MARCHF11: variants seen among roughly 807,000 people sequenced by gnomAD.
The protein encoded by MARCHF11 is membrane associated ring-CH-type finger 11.
MARCHF11 carries 29 observed loss-of-function variants against 37.3 expected under a neutral mutation model. That is an observed-to-expected ratio of 0.78 (90% CI 0.58 to 1.06). MARCHF11 has a LOEUF of 1.06. MARCHF11 is among the 50% of genes least tolerant of loss of function. The pLI is 0.00. For synonymous variants in MARCHF11, 233 were observed against 228.0 expected (o/e 1.02, Z -0.20); for missense variants, 482 against 533.4 (o/e 0.90, Z 0.95).
At chr5:16,110,775 G>A (rs144095452) in intron 2 of MARCHF11, among the ~76,000 whole-genome samples, 44 of 152,146 alleles carry the variant, frequency 2.9e-4, no homozygotes, top group Admixed American at 2.0e-3. Context: ...GTATCATATC[G>A]AAAACTACCA....
chr5:16,124,077 T>C (rs1283113660), intron 2 of MARCHF11, among the ~76,000 whole-genome samples: 1 of 152,154 alleles, frequency 6.6e-6, no homozygotes, highest in East Asian at 1.9e-4. Context: ...ATGTTTGAAC[T>C]CAGGAGACAA....
intron 2 of MARCHF11, among the ~76,000 whole-genome samples, chr5:16,177,417 A>C (rs1022286267): frequency 1.4e-4 from 22 of 152,220 alleles, no homozygotes; most frequent in African/African-American, 5.1e-4. Flanking sequence ...TAATGAATAA[A>C]ATTGATTTAA....
At chr5:16,082,009 A>C (rs1376396899) in intron 3 of MARCHF11, among the ~76,000 whole-genome samples, 2 of 152,338 alleles carry the variant, frequency 1.3e-5, no homozygotes, top group East Asian at 3.9e-4. Flanking sequence ...AGTGAACATC[A>C]GTATGATTAA....
chr5:16,082,811 A>T (rs140537642), intron 3 of MARCHF11, among the ~76,000 whole-genome samples: 165 of 152,310 alleles, frequency 1.1e-3, no homozygotes, highest in African/African-American at 3.7e-3. Context: ...ATGCAGACAC[A>T]TCCACGTTAA....
rs1044503319 is a variant in MARCHF11, at chr5:16,073,067, T to C, written c.887-5274A>G. 4.6e-5 allele frequency among the ~76,000 whole-genome samples: 7 copies of C among 152,174 alleles called. 1 individual carries two copies. Among genetic ancestry groups the C allele is most frequent in the Admixed American group, 1.3e-4 (2 of 15,276 alleles). The stretch of plus-strand genomic sequence containing the variant: ...ATCTCATATATTTATACACCCAAAA[T>C]CTATAATACATAGATATAATTCCAT... On this transcript the variant is annotated intron_variant, in intron 3 of 3. Coordinates refer to ENST00000332432, the MANE Select transcript of MARCHF11 (RefSeq NM_001102562.3).
intron 2 of MARCHF11, among the ~76,000 whole-genome samples, chr5:16,153,641 T>C (rs577327442): frequency 1.3e-5 from 2 of 152,024 alleles, no homozygotes; most frequent in Non-Finnish European, 2.9e-5. Flanking sequence ...GATGTACATA[T>C]TGATAGAATT....
At chr5:16,131,845 G>T (rs1382957822) in intron 2 of MARCHF11, among the ~76,000 whole-genome samples, 2 of 152,196 alleles carry the variant, frequency 1.3e-5, no homozygotes, top group African/African-American at 4.8e-5. Flanking sequence ...TCTAACTTTT[G>T]CTGGTGTCTG....
At chr5:16,081,835 C>T (rs560284025) in intron 3 of MARCHF11, among the ~76,000 whole-genome samples, 1 of 152,138 alleles carries the variant, frequency 6.6e-6, no homozygotes, top group Non-Finnish European at 1.5e-5. Context: ...GTGTTTTCCC[C>T]CCTTGAGGGG....
intron 3 of MARCHF11, among the ~76,000 whole-genome samples, chr5:16,068,996 A>G (rs1350901137): frequency 6.6e-6 from 1 of 152,216 alleles, no homozygotes; most frequent in Non-Finnish European, 1.5e-5. Flanking sequence ...GCCCTAGAGA[A>G]ACTCTCACAA....
intron 2 of MARCHF11, among the ~76,000 whole-genome samples, chr5:16,112,942 C>A (rs1311410475): frequency 6.6e-6 from 1 of 152,116 alleles, no homozygotes; most frequent in Non-Finnish European, 1.5e-5. Context: ...TCTCTCGCCT[C>A]CCCAGCCACA....
chr5:16,094,040 A>T (rs1023604731), intron 2 of MARCHF11, among the ~76,000 whole-genome samples: 3 of 152,192 alleles, frequency 2.0e-5, no homozygotes, highest in African/African-American at 7.2e-5. Context: ...ATTTTTGAAT[A>T]ATTAATGAAG....
At chr5:16,142,884 C>CTTTTTTT (rs61225598) in intron 2 of MARCHF11, among the ~76,000 whole-genome samples, 12 of 52,212 alleles carry the variant, frequency 2.3e-4, no homozygotes, top group African/African-American at 4.6e-4. Flanking sequence ...CCACACCTGG[C>CTTTTTTT]TTTTTTTTTT....
chr5:16,132,070 C>T lies in MARCHF11; in HGVS notation c.694-40989G>A, dbSNP rs190973371. Among the ~76,000 whole-genome samples, 4 of 152,360 alleles carry T rather than the reference C, an allele frequency of 2.6e-5. No individual in the cohort carries two copies. In the East Asian group the frequency reaches 7.7e-4, roughly 29 times the overall value. On this transcript the variant is annotated intron_variant, in intron 2 of 3. Coordinates refer to ENST00000332432, the MANE Select transcript of MARCHF11 (RefSeq NM_001102562.3). ...CTGATCCAGAGCCCCATGGCAAGGG[C>T]TCAGAGCATCTACCAACTGTGACTG...
chr5:16,166,942 T>C (rs1738179456), intron 2 of MARCHF11, among the ~76,000 whole-genome samples: 1 of 143,988 alleles, frequency 6.9e-6, no homozygotes, highest in African/African-American at 2.7e-5. Context: ...TGTATACATA[T>C]GAGTGTGAGG....
intron 3 of MARCHF11, among the ~76,000 whole-genome samples, chr5:16,083,470 T>TA (rs1038808666): frequency 2.8e-4 from 43 of 152,336 alleles, no homozygotes; most frequent in African/African-American, 1.0e-3. Flanking sequence ...CCAAAGGCCT[T>TA]ACCAACAATT....
At chr5:16,154,872 C>A (rs968509865) in intron 2 of MARCHF11, among the ~76,000 whole-genome samples, 12 of 151,772 alleles carry the variant, frequency 7.9e-5, no homozygotes, top group African/African-American at 2.7e-4. Flanking sequence ...ATGGGCACTA[C>A]CCTGCAATGC....
intron 2 of MARCHF11, among the ~76,000 whole-genome samples, chr5:16,150,256 T>C (rs970482029): frequency 6.7e-6 from 1 of 149,720 alleles, no homozygotes; most frequent in Non-Finnish European, 1.5e-5. Flanking sequence ...GAGAGCTAAT[T>C]CCTGCTGCAG....
chr5:16,102,248 G>C (rs781528580), intron 2 of MARCHF11, among the ~76,000 whole-genome samples: 17 of 152,262 alleles, frequency 1.1e-4, no homozygotes, highest in Non-Finnish European at 2.5e-4. Context: ...GCTACTACAT[G>C]GAACTGGGCT....
At chr5:16,078,527 G>T (rs1336489343) in intron 3 of MARCHF11, among the ~76,000 whole-genome samples, 2 of 152,056 alleles carry the variant, frequency 1.3e-5, no homozygotes, top group Non-Finnish European at 2.9e-5. Context: ...TGGTGCCCAC[G>T]GTTCCACATC....
Sources: allele counts gnomAD v4.1 joint callset (sites outside exome capture counted in the v4.1 genomes callset), GRCh38; gene constraint gnomAD v4.1.1; transcripts MANE v1.5; gene names NCBI Gene and HGNC (gene_info 2026-07-23, HGNC 2026-07-21).